DYNC2H1: variants seen among roughly 807,000 people sequenced by gnomAD.
DYNC2H1 encodes the protein dynein cytoplasmic 2 heavy chain 1.
In DYNC2H1, 410 loss-of-function variants were observed where a neutral mutation model predicts 570.0. The observed-to-expected ratio is 0.72, with a 90% CI of 0.66 to 0.78. DYNC2H1 has a LOEUF of 0.78. Among genes scored for constraint, DYNC2H1 ranks in the 30% least tolerant of loss-of-function variants. DYNC2H1 has a pLI of 0.00. For synonymous variants in DYNC2H1, 1,688 were observed against 1,677.6 expected, an observed-to-expected ratio of 1.01 and a Z score of -0.15; for missense variants, 4,865 against 5,046.4, an observed-to-expected ratio of 0.96 and a Z score of 1.09.
intron 1 of DYNC2H1, among the ~76,000 whole-genome samples, chr11:103,111,839 G>A (rs1317138489): frequency 6.6e-6 from 1 of 152,140 alleles, no homozygotes; most frequent in African/African-American, 2.4e-5. Context: ...TAGTTAGCGT[G>A]ATTCAATAAG....
At chr11:103,362,577 C>A (rs1268835175) in intron 83 of DYNC2H1, among the ~76,000 whole-genome samples, 1 of 152,092 alleles carries the variant, frequency 6.6e-6, no homozygotes, top group Non-Finnish European at 1.5e-5. Flanking sequence ...TTCCTTTTAG[C>A]TCTTCTCAAT....
intron 1 of DYNC2H1, among the ~76,000 whole-genome samples, chr11:103,111,724 A>G (rs976463936): frequency 1.3e-5 from 2 of 152,182 alleles, no homozygotes; most frequent in African/African-American, 4.8e-5. Flanking sequence ...TTACTAGTAA[A>G]GCCCAACGAT....
intron 84 of DYNC2H1, among the ~76,000 whole-genome samples, chr11:103,425,690 T>C (rs1434731451): frequency 3.3e-5 from 5 of 152,044 alleles, no homozygotes; most frequent in East Asian, 3.8e-4. Context: ...ATAATGGCTA[T>C]TTAACAACGA....
intron 77 of DYNC2H1, among the ~76,000 whole-genome samples, chr11:103,307,088 A>G (rs944176918): frequency 1.3e-5 from 2 of 152,316 alleles, no homozygotes; most frequent in Admixed American, 1.3e-4. Context: ...GTCAGAGTAC[A>G]AAGAGAATAA....
intron 84 of DYNC2H1, among the ~76,000 whole-genome samples, chr11:103,413,432 C>G (rs1258521581): frequency 6.6e-6 from 1 of 151,752 alleles, no homozygotes; most frequent in Non-Finnish European, 1.5e-5. Context: ...CTTTAGTAGC[C>G]CTTATGAAAT....
At chr11:103,109,918 C>T in intron 1 of DYNC2H1, 149 bp downstream of exon 1, 2 of 825,868 alleles carry the variant, frequency 2.4e-6, no homozygotes, top group Non-Finnish European at 3.6e-6. Flanking sequence ...GCATTATTGG[C>T]TTAGATGCGT....
intron 31 of DYNC2H1, among the ~76,000 whole-genome samples, chr11:103,167,621 A>T (rs913740895): frequency 6.6e-6 from 1 of 152,060 alleles, no homozygotes; most frequent in East Asian, 1.9e-4. Flanking sequence ...TGTCATCTAG[A>T]TACTGGTACT....
intron 5 of DYNC2H1, 54 bp downstream of exon 5, chr11:103,116,768 A>G (rs1240418915): frequency 2.0e-6 from 3 of 1,513,168 alleles, no homozygotes; most frequent in East Asian, 4.7e-5. Flanking sequence ...TTATTTTGTT[A>G]TCTTTTTATC....
chr11:103,125,026 T>C, intron 11 of DYNC2H1, 74 bp from the exon 12 acceptor site: 2 of 1,205,454 alleles, frequency 1.7e-6, no homozygotes, highest in South Asian at 1.6e-5. Context: ...AGAAAAGTTG[T>C]AAAAACCTAT....
At chr11:103,321,344 A>G in intron 81 of DYNC2H1, 107 bp downstream of exon 81, 1 of 1,122,602 alleles carries the variant, frequency 8.9e-7, no homozygotes, top group Non-Finnish European at 1.3e-6. Flanking sequence ...GTAATTATTC[A>G]CAGTTTGGAT....
chr11:103,441,487 G>A (rs2135768126), intron 85 of DYNC2H1, among the ~76,000 whole-genome samples: 1 of 151,870 alleles, frequency 6.6e-6, no homozygotes, highest in East Asian at 1.9e-4. Flanking sequence ...CCACTAAAAA[G>A]AAAGCTTCAT....
In DYNC2H1 at chr11:103,156,536, T is replaced by C. The variant is rs146686265; in HGVS notation, c.3893T>C (p.Ile1298Thr). Residue 1298 changes from isoleucine (I) to threonine (T), a missense_variant, in exon 26 of 89, where the codon ATA (isoleucine) becomes ACA (threonine). Physicochemically the swap from Ile to Thr is moderately conservative, Grantham distance 89. Transcript: ENST00000375735. ...AAGCTGATTAAAGACTGGAAAGATA[T>C]AGTAAATCAGGTTGGAGATAATAGA... ...TMKLIKDWKDIVNQVGDNRCL... is the reference protein window; with the variant it reads ...TMKLIKDWKDTVNQVGDNRCL... 1.3e-5 allele frequency: 21 copies of C among 1,613,736 alleles called. No homozygotes were observed. The highest frequency in any genetic ancestry group is 6.7e-5 in the East Asian group (3 of 44,850).
intron 75 of DYNC2H1, among the ~76,000 whole-genome samples, chr11:103,288,684 T>TG (rs1401919829): frequency 2.2e-4 from 6 of 27,904 alleles, no homozygotes; most frequent in African/African-American, 9.5e-4. Flanking sequence ...CCGTCTCTAC[T>TG]AAAAAAAAAA....
intron 17 of DYNC2H1, among the ~76,000 whole-genome samples, chr11:103,141,295 T>A (rs1469026780): frequency 6.6e-6 from 1 of 152,084 alleles, no homozygotes; most frequent in Non-Finnish European, 1.5e-5. Flanking sequence ...CTTTTTAGAG[T>A]TTCCAGTTTT....
At chr11:103,218,662 T>C (rs594898) in intron 55 of DYNC2H1, among the ~76,000 whole-genome samples, 141,921 of 152,238 alleles carry the variant, frequency 0.93, 66,186 homozygotes, top group African/African-American at 0.94. Context: ...ATATTCGGCA[T>C]TATGTGTGCT....
In DYNC2H1 at chr11:103,386,512, T is replaced by A. The variant is rs1941880723; in HGVS notation, c.12157-13151T>A. ...TTATTGGCTTTCTTTTTTTTATTAT[T>A]ATTATACTTTAAGTTTTAGAGTACA... On this transcript the variant is annotated intron_variant, in intron 83 of 88. Coordinates refer to ENST00000375735, the MANE Select transcript of DYNC2H1 (RefSeq NM_001377.3). 3.9e-5 allele frequency among the ~76,000 whole-genome samples: 6 copies of A among 152,212 alleles called. 1 individual carries two copies. In the South Asian group the frequency reaches 1.2e-3, roughly 32 times the overall value.
rs778657066 is a variant in DYNC2H1, at chr11:103,170,892, G to A, written c.5158G>A (p.Asp1720Asn). 94 of 1,504,044 alleles carry A rather than the reference G, an allele frequency of 6.2e-5. No homozygotes were observed. Among genetic ancestry groups the A allele is most frequent in the African/African-American group, 1.5e-4 (11 of 72,462 alleles). The allele number at this position is 1,504,044 out of a possible 1,614,324, so 93.2% of individuals were successfully genotyped here. Residue 1720 changes from aspartate to asparagine, a missense_variant, in exon 34 of 89, where the codon GAT becomes AAT. Transcript: ENST00000375735. This position sits in a 1 kb window ranked among gnomAD's most constrained non-coding sequence, Gnocchi z 4.8. ...TTTTATTGTTGTTTTTAAGGGCATC[G>A]ATGTGAAGTCAATGGGACGAATATT... The part of the protein sequence containing the change: ...VLVFNCDEGI[D>N]VKSMGRIFVG...
intron 70 of DYNC2H1, among the ~76,000 whole-genome samples, chr11:103,263,588 G>A (rs1288542155): frequency 6.6e-6 from 1 of 152,098 alleles, no homozygotes; most frequent in African/African-American, 2.4e-5. Context: ...CATGGAAACT[G>A]AACAACCTGC....
intron 82 of DYNC2H1, among the ~76,000 whole-genome samples, chr11:103,330,612 C>A (rs994748790): frequency 2.0e-5 from 3 of 147,068 alleles, no homozygotes; most frequent in Non-Finnish European, 3.0e-5. Context: ...CCAGATAGGA[C>A]AATATCTTCT....
Sources: allele counts gnomAD v4.1 joint callset (sites outside exome capture counted in the v4.1 genomes callset), GRCh38; gene constraint gnomAD v4.1.1; non-coding constraint Gnocchi (gnomAD v3.1); transcripts MANE v1.5; gene names NCBI Gene and HGNC (gene_info 2026-07-23, HGNC 2026-07-21).